The following GPM6A variants were observed in gnomAD, a reference collection of about 807,000 sequenced individuals.
GPM6A encodes the protein neuronal membrane glycoprotein M6-a.
A neutral mutation model predicts 32.1 loss-of-function variants in GPM6A; 7 were observed. That is an observed-to-expected ratio of 0.22 (90% CI 0.12 to 0.41). The LOEUF (loss-of-function observed/expected upper bound fraction) is 0.41, where lower values mean the gene tolerates loss of function less well. Ranked by LOEUF, GPM6A falls within the 10% of genes least tolerant of loss-of-function variation. The probability of loss-of-function intolerance (pLI) is 1.00; values close to 1 mark genes in which losing one functional copy is unlikely to be tolerated. For missense variants in GPM6A, 235 were observed against 347.2 expected, an observed-to-expected ratio of 0.68 and a Z score of 2.57; for synonymous variants, 130 against 123.4, an observed-to-expected ratio of 1.05 and a Z score of -0.35.
chr4:175,805,737 C>T (rs945409007), intron 1 of GPM6A, among the ~76,000 whole-genome samples: 8 of 151,984 alleles, frequency 5.3e-5, no homozygotes, highest in African/African-American at 1.5e-4. Context: ...ATTTAAAAGC[C>T]GACAGTCATT....
intron 1 of GPM6A, among the ~76,000 whole-genome samples, chr4:175,928,283 G>A (rs1424460665): frequency 6.6e-6 from 1 of 152,162 alleles, no homozygotes; most frequent in African/African-American, 2.4e-5. Context: ...GGACAAGAAT[G>A]TTGCAATAAA....
At chr4:175,974,498 G>A (rs1740602348) in intron 1 of GPM6A, among the ~76,000 whole-genome samples, 1 of 152,022 alleles carries the variant, frequency 6.6e-6, no homozygotes, top group Non-Finnish European at 1.5e-5. Flanking sequence ...TGGGATTACA[G>A]GCGTGAGCCA....
At chr4:175,976,580 G>A (rs746440341) in intron 1 of GPM6A, among the ~76,000 whole-genome samples, 1 of 152,072 alleles carries the variant, frequency 6.6e-6, no homozygotes, top group African/African-American at 2.4e-5. Flanking sequence ...CAGAACCAAC[G>A]GTAGGGACCA....
At chr4:175,800,081 A>G (rs562376295) in intron 1 of GPM6A, among the ~76,000 whole-genome samples, 14 of 152,288 alleles carry the variant, frequency 9.2e-5, no homozygotes, top group African/African-American at 3.4e-4. Flanking sequence ...TGATCCTGAG[A>G]GTACAATATT....
chr4:175,873,175 A>G (rs1382604132), intron 1 of GPM6A, among the ~76,000 whole-genome samples: 3 of 141,666 alleles, frequency 2.1e-5, no homozygotes, highest in Non-Finnish European at 4.7e-5. Context: ...ATGAAGTAAC[A>G]TAAGTAGGTC....
chr4:175,848,814 A>G (rs542158774), intron 1 of GPM6A, among the ~76,000 whole-genome samples: 3 of 152,310 alleles, frequency 2.0e-5, no homozygotes, highest in East Asian at 3.9e-4. Context: ...TCTAATAAAT[A>G]CTATTATTGA....
At position 175,670,474 on chromosome 4, in the gene GPM6A, A is replaced by G. The variant is rs532466907; in HGVS notation, c.387+3206T>C. Among the ~76,000 whole-genome samples the G allele has an allele frequency of 1.3e-3, 203 of 152,344 alleles. 1 individual carries two copies. Among genetic ancestry groups the G allele is most frequent in the Middle Eastern group, 3.4e-3 (1 of 294 alleles). On this transcript the variant is annotated intron_variant, in intron 3 of 6. Coordinates refer to ENST00000393658, the MANE Select transcript of GPM6A (RefSeq NM_201591.3). ...TAAACTTTAATAAGAAAATATGGTT[A>G]AAGAAAATAAATACTTCTACATTAA...
intron 4 of GPM6A, among the ~76,000 whole-genome samples, chr4:175,644,490 C>G (rs1332764408): frequency 1.3e-5 from 2 of 151,258 alleles, no homozygotes; most frequent in African/African-American, 2.4e-5. Flanking sequence ...GATAAGTATA[C>G]CATATATAAC....
chr4:175,717,097 G>A (rs1745878768), intron 1 of GPM6A, among the ~76,000 whole-genome samples: 1 of 152,090 alleles, frequency 6.6e-6, no homozygotes, highest in East Asian at 1.9e-4. Context: ...AGGATGCTGT[G>A]TGTGATCTCG....
intron 1 of GPM6A, among the ~76,000 whole-genome samples, chr4:175,836,909 C>T (rs1161243539): frequency 6.6e-6 from 1 of 152,098 alleles, no homozygotes; most frequent in Non-Finnish European, 1.5e-5. Context: ...AATAACAACT[C>T]CCCCAGGATG....
intron 4 of GPM6A, chr4:175,641,650 G>C (rs1465026881): frequency 6.6e-6 from 1 of 152,036 alleles, no homozygotes. Flanking sequence ...AGCATTTTCT[G>C]CTCTTTAGTT....
At chr4:175,909,395 G>A (rs1035861212) in intron 1 of GPM6A, among the ~76,000 whole-genome samples, 1 of 152,128 alleles carries the variant, frequency 6.6e-6, no homozygotes, top group Non-Finnish European at 1.5e-5. Flanking sequence ...ATCTAGGAAG[G>A]TAGAGAAATG....
At chr4:175,704,193 C>G (rs1745032756) in intron 1 of GPM6A, among the ~76,000 whole-genome samples, 1 of 151,998 alleles carries the variant, frequency 6.6e-6, no homozygotes, top group African/African-American at 2.4e-5. Flanking sequence ...AATTCTAGTC[C>G]ATCCCATCTG....
At chr4:175,825,603 T>C (rs1735409642) in intron 1 of GPM6A, among the ~76,000 whole-genome samples, 1 of 152,186 alleles carries the variant, frequency 6.6e-6, no homozygotes, top group South Asian at 2.1e-4. Flanking sequence ...GAGGCTCTGT[T>C]AGCTTGTGTT....
chr4:175,812,207 C>G lies in GPM6A; in HGVS notation c.21G>C (p.Glu7Asp). 4.4e-6 allele frequency: 7 copies of G among 1,587,448 alleles called. No individual in the cohort carries two copies. The highest frequency in any genetic ancestry group is 6.0e-6 in the Non-Finnish European group (7 of 1,164,044). Residue 7 changes from glutamate (E) to aspartate (D), a missense_variant, in exon 1 of 7, where the codon GAG becomes GAC. By Grantham distance (45) the Glu-to-Asp change is conservative. Transcript: ENST00000393658. The stretch of plus-strand genomic sequence containing the variant: ...GCACAGTACCTTTTTGTGTCTGTCC[C>G]TCTTCCATATTCTCTTCCATGGCTA... MEENME[E>D]GQTQKGCFEC...
intron 1 of GPM6A, among the ~76,000 whole-genome samples, chr4:175,887,440 C>T (rs11942679): frequency 0.034 from 5,219 of 151,776 alleles, 267 homozygotes; most frequent in African/African-American, 0.12. Flanking sequence ...AAATTTAGAG[C>T]CTTATATACA....
At chr4:175,691,955 G>T (rs1344839519) in intron 2 of GPM6A, among the ~76,000 whole-genome samples, 2 of 152,156 alleles carry the variant, frequency 1.3e-5, no homozygotes, top group East Asian at 3.9e-4. Flanking sequence ...AGGGATGCAG[G>T]TGGCCTCTGG....
chr4:175,779,699 A>T, intron 1 of GPM6A, among the ~76,000 whole-genome samples: 1 of 152,218 alleles, frequency 6.6e-6, no homozygotes, highest in East Asian at 1.9e-4. Flanking sequence ...TCTATGAAGC[A>T]CAATAAAAAT....
intron 1 of GPM6A, among the ~76,000 whole-genome samples, chr4:175,961,556 G>C (rs1740163082): frequency 6.6e-6 from 1 of 152,160 alleles, no homozygotes; most frequent in Non-Finnish European, 1.5e-5. Flanking sequence ...TGGAGACTCA[G>C]TTTGGACAAG....
Sources: allele counts gnomAD v4.1 joint callset (sites outside exome capture counted in the v4.1 genomes callset), GRCh38; gene constraint gnomAD v4.1.1; transcripts MANE v1.5; gene names NCBI Gene and HGNC (gene_info 2026-07-23, HGNC 2026-07-21).